NEK11: variants seen among roughly 807,000 people sequenced by gnomAD.
The protein encoded by NEK11 is NIMA related kinase 11.
NEK11 carries 72 observed loss-of-function variants against 80.7 expected under a neutral mutation model. The observed-to-expected ratio is 0.89, with a 90% confidence interval of 0.74 to 1.08. The LOEUF (loss-of-function observed/expected upper bound fraction) is 1.08. Ranked by LOEUF, NEK11 falls within the 50% of genes least tolerant of loss-of-function variation. NEK11 has a pLI of 0.00. For missense variants in NEK11, 764 were observed against 763.6 expected (o/e 1.00, Z -0.01); for synonymous variants, 251 against 260.7 (o/e 0.96, Z 0.36).
rs543341980 is a variant in NEK11 at position 131,254,789 on chromosome 3, G to A, written c.1621+11293G>A. Among the ~76,000 whole-genome samples, 11 of 152,262 alleles carry A rather than the reference G, an allele frequency of 7.2e-5. No homozygotes were observed. The South Asian group carries it at 1.0e-3, about 14-fold the overall frequency. On this transcript the variant is annotated intron_variant, in intron 16 of 17. Coordinates refer to ENST00000383366, the MANE Select transcript of NEK11 (RefSeq NM_024800.5). ...AATCCCAGCACTTTGGGAGGCCAAG[G>A]TGGGTGGATCACCTGAGGTCAGGAG...
chr3:131,330,443 C>G (rs933882922), intron 17 of NEK11: 3 of 152,134 alleles, frequency 2.0e-5, no homozygotes, highest in Non-Finnish European at 4.4e-5. Flanking sequence ...AGTCATGAAA[C>G]TAGATGACCC....
At chr3:131,115,892 A>G (rs1210923024) in intron 5 of NEK11, among the ~76,000 whole-genome samples, 1 of 144,132 alleles carries the variant, frequency 6.9e-6, no homozygotes, top group Non-Finnish European at 1.5e-5. Flanking sequence ...ATGTTCCCTG[A>G]AAGGTAGTGT....
chr3:131,163,182 TC>T (rs2091848123), intron 11 of NEK11, among the ~76,000 whole-genome samples: 1 of 152,128 alleles, frequency 6.6e-6, no homozygotes, highest in Non-Finnish European at 1.5e-5. Flanking sequence ...GCATGAAGAT[TC>T]CTCTAAACAT....
chr3:131,183,733 CTGCAATAAACATACATG>C (rs2093474605), intron 14 of NEK11, among the ~76,000 whole-genome samples: 1 of 152,174 alleles, frequency 6.6e-6, no homozygotes, highest in Admixed American at 6.5e-5. Context: ...GTGAATAGTG[CTGCAATAAACATACATG>C]TGCATGTATC....
chr3:131,032,882 C>G (rs2065080130), intron 3 of NEK11, among the ~76,000 whole-genome samples: 2 of 152,142 alleles, frequency 1.3e-5, no homozygotes, highest in Admixed American at 6.5e-5. Context: ...TTAAAGGAAG[C>G]CTAAGAAAAC....
intron 16 of NEK11, among the ~76,000 whole-genome samples, chr3:131,266,279 T>A (rs1053179966): frequency 6.6e-6 from 1 of 152,242 alleles, no homozygotes; most frequent in African/African-American, 2.4e-5. Flanking sequence ...CTTTCTTCTC[T>A]AGTTCTTTAA....
At chr3:131,074,209 A>G (rs1484457204) in intron 3 of NEK11, among the ~76,000 whole-genome samples, 2 of 152,132 alleles carry the variant, frequency 1.3e-5, no homozygotes, top group Non-Finnish European at 2.9e-5. Flanking sequence ...GACCCAAATG[A>G]AGAGAGTCCT....
chr3:131,189,640 T>G (rs534575532), intron 14 of NEK11, among the ~76,000 whole-genome samples: 1 of 152,326 alleles, frequency 6.6e-6, no homozygotes, highest in Non-Finnish European at 1.5e-5. Flanking sequence ...CTTTATTCAC[T>G]TTAAAAACAT....
chr3:131,106,083 T>C (rs1441622933), intron 4 of NEK11, among the ~76,000 whole-genome samples: 1 of 152,170 alleles, frequency 6.6e-6, no homozygotes, highest in Non-Finnish European at 1.5e-5. Flanking sequence ...TAGTGAACAC[T>C]AGGAAGCAAG....
chr3:131,136,073 C>A (rs1218237728), intron 7 of NEK11, among the ~76,000 whole-genome samples: 1 of 151,826 alleles, frequency 6.6e-6, no homozygotes, highest in Non-Finnish European at 1.5e-5. Flanking sequence ...AAAAAAACAG[C>A]CAAAACCTCC....
chr3:131,348,753 TG>T (rs2097405204), intron 17 of NEK11, among the ~76,000 whole-genome samples: 1 of 151,606 alleles, frequency 6.6e-6, no homozygotes, highest in Non-Finnish European at 1.5e-5. Context: ...AAAAAATGAA[TG>T]TCGGCCTTGG....
chr3:131,239,360 G>T (rs912539295), intron 15 of NEK11, among the ~76,000 whole-genome samples: 2 of 152,126 alleles, frequency 1.3e-5, no homozygotes, highest in Non-Finnish European at 2.9e-5. Context: ...GTGATAGAAG[G>T]TTATGCGTAC....
At position 131,117,872 on chromosome 3, in the gene NEK11, G is replaced by A. The variant is rs2081558310; in HGVS notation, c.455+7951G>A. Reference sequence around the variant, plus strand: ...TGCTTATCAGTTTAAGTAGATTTTGGGCTGAGACGATGGGGTTTTCTAAGT... The same window carrying A: ...TGCTTATCAGTTTAAGTAGATTTTGAGCTGAGACGATGGGGTTTTCTAAGT... On this transcript the variant is annotated intron_variant, in intron 5 of 17. Transcript: ENST00000383366. Among the ~76,000 whole-genome samples the A allele has an allele frequency of 1.3e-5, 2 of 152,016 alleles. 1 individual carries two copies. Among genetic ancestry groups the A allele is most frequent in the South Asian group, 4.2e-4 (2 of 4,806 alleles).
At chr3:131,265,965 T>C (rs1381295795) in intron 16 of NEK11, among the ~76,000 whole-genome samples, 5 of 152,210 alleles carry the variant, frequency 3.3e-5, no homozygotes, top group African/African-American at 1.2e-4. Flanking sequence ...GTCCAGGAAT[T>C]TATCCATTTC....
chr3:131,312,165 G>T (rs560676156), intron 17 of NEK11, among the ~76,000 whole-genome samples: 1 of 152,176 alleles, frequency 6.6e-6, no homozygotes, highest in Admixed American at 6.5e-5. Context: ...TTAGGAGCAC[G>T]GTTCTTTAAG....
At chr3:131,220,078 C>G (rs900006688) in intron 14 of NEK11, among the ~76,000 whole-genome samples, 2 of 152,180 alleles carry the variant, frequency 1.3e-5, no homozygotes, top group Non-Finnish European at 2.9e-5. Context: ...GCAGATGTCA[C>G]CAGTTAACTT....
chr3:131,261,398 T>C (rs991781377), intron 16 of NEK11, among the ~76,000 whole-genome samples: 4 of 152,226 alleles, frequency 2.6e-5, no homozygotes, highest in Admixed American at 2.0e-4. Context: ...ATAATGCTCA[T>C]AACATTTACT....
chr3:131,118,195 G>T (rs763871182), intron 5 of NEK11, among the ~76,000 whole-genome samples: 3 of 152,082 alleles, frequency 2.0e-5, no homozygotes, highest in Non-Finnish European at 4.4e-5. Context: ...GGCTGTTGAA[G>T]TTTGTCGAAG....
At position 131,335,780 on chromosome 3, in the gene NEK11, G is replaced by C. The variant is rs370476736; in HGVS notation, c.1719-13777G>C. Among the ~76,000 whole-genome samples the C allele has an allele frequency of 1.8e-4, 28 of 152,274 alleles. No homozygotes were observed. In the South Asian group the frequency reaches 2.7e-3, roughly 15 times the overall value. The stretch of plus-strand genomic sequence containing the variant: ...GCAACTTCAGCAAAGTCTCAGGATA[G>C]AAAATCAATGTGCAAAAATCACAAG... On this transcript the variant is annotated intron_variant, in intron 17 of 17. Transcript: ENST00000383366.
Sources: gnomAD v4.1 joint callset for allele counts (sites outside exome capture counted in the v4.1 genomes callset) on GRCh38, gnomAD v4.1.1 for gene constraint, MANE v1.5 for transcripts, NCBI Gene and HGNC (gene_info 2026-07-23, HGNC 2026-07-21) for gene names.